The following MTDH variants were observed in gnomAD, a reference collection of about 807,000 sequenced individuals.
MTDH encodes the protein metadherin, also known as protein LYRIC.
Under a neutral mutation model 72.7 loss-of-function variants are expected in MTDH, and 34 were observed. The ratio of observed to expected loss-of-function variants is 0.47; its 90% CI spans 0.36 to 0.62. The LOEUF (loss-of-function observed/expected upper bound fraction) is 0.62. MTDH is among the 20% of genes least tolerant of loss of function. The pLI is 0.00. For synonymous variants in MTDH, 266 were observed against 268.9 expected, an observed-to-expected ratio of 0.99 and a Z score of 0.10; for missense variants, 677 against 699.4, an observed-to-expected ratio of 0.97 and a Z score of 0.36.
intron 2 of MTDH, among the ~76,000 whole-genome samples, chr8:97,665,865 GCCTGTAAT>G (rs1212647104): frequency 6.6e-6 from 1 of 152,150 alleles, no homozygotes; most frequent in Non-Finnish European, 1.5e-5. Context: ...GGTGGCTCAC[GCCTGTAAT>G]CCCAGCACTT....
At chr8:97,688,501 A>G (rs796411328) in intron 4 of MTDH, among the ~76,000 whole-genome samples, 4 of 152,132 alleles carry the variant, frequency 2.6e-5, no homozygotes, top group African/African-American at 9.6e-5. Flanking sequence ...GCACAATCCT[A>G]TGTCATGCTG....
chr8:97,678,594 C>CTTTTTTTTTTTTTTTTTTTTTTTTTT lies in MTDH; in HGVS notation c.484-8050_484-8049insTTTTTTTTTTTTTTTTTTTTTTTTTT, dbSNP rs35895126. On this transcript the variant is annotated intron_variant, in intron 2 of 11. Coordinates refer to ENST00000336273, the MANE Select transcript of MTDH (RefSeq NM_178812.4). ...GTTTCCTTTGCTTCCTTCCTTCCTT[C>CTTTTTTTTTTTTTTTTTTTTTTTTTT]TTTTTTTTTTTTTTTTTTTTTTTTG... Among the ~76,000 whole-genome samples the CTTTTTTTTTTTTTTTTTTTTTTTTTT allele has an allele frequency of 3.5e-5, 3 of 85,324 alleles. 1 individual carries two copies. Among genetic ancestry groups the CTTTTTTTTTTTTTTTTTTTTTTTTTT allele is most frequent in the African/African-American group, 1.0e-4 (2 of 20,010 alleles). 56.0% of individuals were successfully genotyped at this position (85,324 alleles called of 152,430 possible).
intron 2 of MTDH, among the ~76,000 whole-genome samples, chr8:97,663,680 T>C (rs2468021): frequency 0.42 from 62,475 of 147,546 alleles, 14,101 homozygotes; most frequent in East Asian, 0.63. Context: ...ATCCAGGAAG[T>C]GCAGCTTGCA....
intron 2 of MTDH, among the ~76,000 whole-genome samples, chr8:97,675,181 A>T (rs569812517): frequency 5.3e-5 from 8 of 152,296 alleles, no homozygotes; most frequent in Middle Eastern, 3.4e-3. Context: ...TTAGATGTTT[A>T]TAGGGCTATA....
At chr8:97,676,503 C>T (rs576413105) in intron 2 of MTDH, among the ~76,000 whole-genome samples, 1 of 152,300 alleles carries the variant, frequency 6.6e-6, no homozygotes, top group East Asian at 1.9e-4. Flanking sequence ...AATAGCTCTA[C>T]TCTTGCTGCC....
intron 6 of MTDH, among the ~76,000 whole-genome samples, chr8:97,693,211 AT>A (rs888966722): frequency 4.0e-5 from 6 of 150,648 alleles, no homozygotes; most frequent in African/African-American, 1.2e-4. Flanking sequence ...AAGGTTGGGG[AT>A]TTTTTTTTTC....
rs1288948005 is a variant in MTDH at position 97,728,105 on chromosome 8, A to G, written c.*3435A>G. ...TTAATATAGTGTGAAATATCTTTCA[A>G]AATTTAGAGTTTAGGTTTAAGATGT... On this transcript the variant is annotated 3_prime_UTR_variant, in exon 12 of 12. Transcript: ENST00000336273. 2 of 152,136 alleles carry G rather than the reference A, an allele frequency of 1.3e-5. No homozygotes were observed. Among genetic ancestry groups the G allele is most frequent in the Non-Finnish European group, 2.9e-5 (2 of 68,028 alleles). The allele number at this position is 152,136 out of a possible 1,614,324, so 9.4% of individuals were successfully genotyped here. A position where few individuals can be genotyped will look rare whatever the true frequency, so the allele number is the denominator to read the frequency against.
rs2331654 is a variant in MTDH, at chr8:97,729,276, C to T, written c.*4606C>T. ...TGAAGACAGCTGCTCTAGCTAGAAA[C>T]TTCCTATCGGCATCTGAGCCAGCTG... On this transcript the variant is annotated 3_prime_UTR_variant, in exon 12 of 12. Transcript: ENST00000336273. Among the ~76,000 whole-genome samples, 4,748 of 152,090 alleles carry T rather than the reference C, an allele frequency of 0.031. 270 individuals are homozygous for T. The highest frequency in any genetic ancestry group is 0.11 in the African/African-American group (4,522 of 41,472).
chr8:97,649,541 A>G (rs1049913591), intron 1 of MTDH, among the ~76,000 whole-genome samples: 3 of 152,126 alleles, frequency 2.0e-5, no homozygotes, highest in African/African-American at 7.2e-5. Flanking sequence ...CATTACTCCT[A>G]AGACAAGAAA....
chr8:97,712,016 A>G (rs1563565540), intron 8 of MTDH, among the ~76,000 whole-genome samples: 1 of 152,210 alleles, frequency 6.6e-6, no homozygotes, highest in Non-Finnish European at 1.5e-5. Flanking sequence ...ATTATAATAT[A>G]TATAACCTTT....
chr8:97,651,726 G>A (rs1225887383), intron 1 of MTDH, among the ~76,000 whole-genome samples: 1 of 152,152 alleles, frequency 6.6e-6, no homozygotes, highest in Non-Finnish European at 1.5e-5. Context: ...AGACTGTTCT[G>A]TCATCTCCAG....
chr8:97,653,146 C>A (rs1343103538), intron 1 of MTDH, among the ~76,000 whole-genome samples: 8 of 151,522 alleles, frequency 5.3e-5, no homozygotes, highest in Admixed American at 1.3e-4. Context: ...AAAGAATAAT[C>A]ATTTGCTCAA....
chr8:97,708,847 A>C (rs1053366445), intron 8 of MTDH, among the ~76,000 whole-genome samples: 1 of 150,954 alleles, frequency 6.6e-6, no homozygotes, highest in Non-Finnish European at 1.5e-5. Flanking sequence ...TGATCTGCCC[A>C]CCTTGGCCCC....
intron 2 of MTDH, among the ~76,000 whole-genome samples, chr8:97,678,590 CCTT>C (rs1214240060): frequency 1.4e-4 from 17 of 123,166 alleles, no homozygotes; most frequent in East Asian, 2.7e-4. Context: ...TTCCTTCCTT[CCTT>C]CTTTTTTTTT....
At chr8:97,671,209 C>G (rs909847701) in intron 2 of MTDH, among the ~76,000 whole-genome samples, 1 of 151,784 alleles carries the variant, frequency 6.6e-6, no homozygotes, top group Non-Finnish European at 1.5e-5. Flanking sequence ...TCAGGTGATC[C>G]TCGTGTCTCG....
intron 8 of MTDH, among the ~76,000 whole-genome samples, chr8:97,713,005 T>G (rs1469268226): frequency 1.3e-5 from 2 of 152,238 alleles, no homozygotes; most frequent in African/African-American, 4.8e-5. Context: ...TCAAATAAAT[T>G]TTAACGCAAA....
chr8:97,667,682 G>A (rs777356789), intron 2 of MTDH, among the ~76,000 whole-genome samples: 1 of 152,032 alleles, frequency 6.6e-6, no homozygotes, highest in Non-Finnish European at 1.5e-5. Flanking sequence ...TGACTTGTTG[G>A]CAAGTGAAAA....
chr8:97,722,621 A>G (rs1815174434), intron 10 of MTDH, among the ~76,000 whole-genome samples: 1 of 152,188 alleles, frequency 6.6e-6, no homozygotes, highest in Non-Finnish European at 1.5e-5. Flanking sequence ...TTAATGAAAA[A>G]TTATTCATTT....
Position 97,708,853 on chromosome 8 carries a change from G to GC in MTDH, c.1272+2109dup, listed in dbSNP as rs1419711041. 2.6e-5 allele frequency among the ~76,000 whole-genome samples: 4 copies of GC among 151,774 alleles called. No homozygotes were observed. The South Asian group carries it at 6.2e-4, about 24-fold the overall frequency. On this transcript the variant is annotated intron_variant, in intron 8 of 11. Coordinates refer to ENST00000336273, the MANE Select transcript of MTDH (RefSeq NM_178812.4). ...GACCTCAAGTGATCTGCCCACCTTGGCCCCCCAGAGTGCTGGGATTACAGG... is the reference window on the plus strand; with the variant it reads ...GACCTCAAGTGATCTGCCCACCTTGGCCCCCCCAGAGTGCTGGGATTACAGG...
Sources: gnomAD v4.1 joint callset for allele counts (sites outside exome capture counted in the v4.1 genomes callset) on GRCh38, gnomAD v4.1.1 for gene constraint, MANE v1.5 for transcripts, NCBI Gene and HGNC (gene_info 2026-07-23, HGNC 2026-07-21) for gene names.